MACROD1: variants seen among roughly 807,000 people sequenced by gnomAD.
The protein encoded by MACROD1 is ADP-ribose glycohydrolase MACROD1.
Under a neutral mutation model 41.4 loss-of-function variants are expected in MACROD1, and 31 were observed. That is an observed-to-expected ratio of 0.75 (90% CI 0.56 to 1.01). The LOEUF (loss-of-function observed/expected upper bound fraction) is 1.01, where lower values mean the gene tolerates loss of function less well. MACROD1 is among the 50% of genes least tolerant of loss of function. MACROD1 has a pLI of 0.00. For missense variants in MACROD1, 473 were observed against 460.0 expected, an observed-to-expected ratio of 1.03 and a Z score of -0.26; for synonymous variants, 252 against 203.4, an observed-to-expected ratio of 1.24 and a Z score of -2.03.
intron 3 of MACROD1, among the ~76,000 whole-genome samples, chr11:64,100,543 G>A (rs1944653577): frequency 1.3e-5 from 2 of 152,230 alleles, no homozygotes. Flanking sequence ...AGCCAGAAGG[G>A]TGGCCACTGG....
rs1443590990 is a variant in MACROD1 at position 64,152,379 on chromosome 11, G to A, written c.313C>T (p.Leu105=). Reference sequence around the variant, plus strand: ...TGTTCCTCCCGCTGCTTGTCACTCAGGCCCTTCAGAAAGGCTGCAGAGGCA... The same window carrying A: ...TGTTCCTCCCGCTGCTTGTCACTCAAGCCCTTCAGAAAGGCTGCAGAGGCA... ...WKEAKSFLKG[L]SDKQREEHYF... is the part of the protein sequence containing the mutation. Residue 105 remains leucine (L), a synonymous_variant, in exon 2 of 11, where the codon CTG becomes TTG. Transcript: ENST00000255681. 13 of 1,614,174 alleles carry A rather than the reference G, an allele frequency of 8.1e-6. No homozygotes were observed. The highest frequency in any genetic ancestry group is 1.1e-5 in the Non-Finnish European group (13 of 1,179,996).
intron 3 of MACROD1, among the ~76,000 whole-genome samples, chr11:64,111,477 G>A (rs1445931142): frequency 6.6e-6 from 1 of 152,222 alleles, no homozygotes; most frequent in Non-Finnish European, 1.5e-5. Context: ...AGGACCTCCG[G>A]CTCCATAACC....
chr11:64,018,772 G>GT (rs1478013542), intron 3 of MACROD1, among the ~76,000 whole-genome samples: 3 of 152,238 alleles, frequency 2.0e-5, no homozygotes, highest in Admixed American at 6.5e-5. Flanking sequence ...GGCTCACAGA[G>GT]TACCCGGGGA....
intron 3 of MACROD1, among the ~76,000 whole-genome samples, chr11:64,047,044 C>T (rs559112661): frequency 1.3e-5 from 2 of 152,176 alleles, no homozygotes; most frequent in Non-Finnish European, 2.9e-5. Flanking sequence ...CCCCAGTGCC[C>T]CCCCCGGCTA....
intron 3 of MACROD1, among the ~76,000 whole-genome samples, chr11:64,081,213 G>A (rs1389420605): frequency 1.3e-5 from 2 of 152,138 alleles, no homozygotes; most frequent in African/African-American, 4.8e-5. Context: ...GTAGAGATGG[G>A]GTTTCACCAT....
At chr11:64,164,390 G>C (rs977321274) in intron 1 of MACROD1, among the ~76,000 whole-genome samples, 1 of 152,220 alleles carries the variant, frequency 6.6e-6, no homozygotes, top group Admixed American at 6.5e-5. Context: ...GCAGGTGCCT[G>C]GGCACCTTGT....
At chr11:64,014,944 G>A (rs1026227041) in intron 4 of MACROD1, among the ~76,000 whole-genome samples, 3 of 152,240 alleles carry the variant, frequency 2.0e-5, no homozygotes, top group Non-Finnish European at 2.9e-5. Flanking sequence ...AAGGGACAGA[G>A]CTGCCCAAGG....
intron 3 of MACROD1, among the ~76,000 whole-genome samples, chr11:64,079,143 T>C (rs1944259520): frequency 6.6e-6 from 1 of 151,520 alleles, no homozygotes; most frequent in Non-Finnish European, 1.5e-5. Context: ...AGGGAGGTGG[T>C]TGGATTCATT....
At chr11:64,077,545 G>A (rs979086188) in intron 3 of MACROD1, among the ~76,000 whole-genome samples, 2 of 152,074 alleles carry the variant, frequency 1.3e-5, no homozygotes, top group Non-Finnish European at 2.9e-5. Flanking sequence ...GGTGAGGGGC[G>A]GGGCAGGGGG....
chr11:64,117,307 C>A (rs202104543), intron 3 of MACROD1: 5 of 1,614,112 alleles, frequency 3.1e-6, no homozygotes, highest in East Asian at 4.5e-5. Context: ...AAGGCACGGG[C>A]GGCCGTGGTC....
intron 1 of MACROD1, among the ~76,000 whole-genome samples, chr11:64,163,119 T>TG (rs1945782281): frequency 1.0e-5 from 1 of 99,908 alleles, no homozygotes. Flanking sequence ...AGTCTTCATC[T>TG]AAAAAACAAA....
chr11:64,116,501 T>C (rs775779221), intron 3 of MACROD1: 26 of 1,613,926 alleles, frequency 1.6e-5, no homozygotes, highest in Non-Finnish European at 2.1e-5. Context: ...TCCCCGCAGA[T>C]ATCCCTGATG....
intron 3 of MACROD1, among the ~76,000 whole-genome samples, chr11:64,139,046 C>T (rs1302175075): frequency 2.0e-5 from 3 of 152,172 alleles, no homozygotes; most frequent in Admixed American, 6.5e-5. Context: ...GGATTATAGG[C>T]GTGAGCCACC....
chr11:64,147,901 C>T (rs1945518042), intron 3 of MACROD1, among the ~76,000 whole-genome samples: 2 of 151,926 alleles, frequency 1.3e-5, no homozygotes, highest in Non-Finnish European at 2.9e-5. Context: ...CACCACCATG[C>T]CGTATTATTT....
At chr11:64,076,821 C>G (rs1319379745) in intron 3 of MACROD1, among the ~76,000 whole-genome samples, 2 of 152,210 alleles carry the variant, frequency 1.3e-5, no homozygotes, top group East Asian at 3.8e-4. Context: ...ACTGCGTGAG[C>G]AGCCCCCCGG....
chr11:64,071,874 G>A (rs1448644333), intron 3 of MACROD1, among the ~76,000 whole-genome samples: 4 of 152,166 alleles, frequency 2.6e-5, no homozygotes, highest in Non-Finnish European at 5.9e-5. Context: ...CAGTAGTGGC[G>A]AGAGCCCTGG....
At chr11:64,109,144 A>G (rs1029694269) in intron 3 of MACROD1, among the ~76,000 whole-genome samples, 4 of 152,066 alleles carry the variant, frequency 2.6e-5, no homozygotes, top group Non-Finnish European at 4.4e-5. Context: ...GAGGCCAGAC[A>G]GGGATGGGGG....
chr11:64,036,845 G>A lies in MACROD1; in HGVS notation c.518-21564C>T, dbSNP rs1649046733. Among the ~76,000 whole-genome samples, 1 of 152,144 alleles carries A rather than the reference G, an allele frequency of 6.6e-6. No individual in the cohort carries two copies. The highest frequency in any genetic ancestry group is 2.1e-4 in the South Asian group (1 of 4,828). On this transcript the variant is annotated intron_variant, in intron 3 of 10. Transcript: ENST00000255681. This position sits in a 1 kb window ranked among gnomAD's most constrained non-coding sequence, Gnocchi z 5.6. ...CCCCCAGCTCTCAAGACAAGGAGGC[G>A]GCCCGACCCGGCGGCGCACGCCCCT...
chr11:64,086,215 C>T (rs1278115588), intron 3 of MACROD1, among the ~76,000 whole-genome samples: 1 of 152,166 alleles, frequency 6.6e-6, no homozygotes, highest in Non-Finnish European at 1.5e-5. Context: ...AGGGGCTTAG[C>T]TCAGAGCCCA....
Sources: gnomAD v4.1 joint callset for allele counts (sites outside exome capture counted in the v4.1 genomes callset) on GRCh38, gnomAD v4.1.1 for gene constraint, Gnocchi (gnomAD v3.1) non-coding constraint, MANE v1.5 for transcripts, NCBI Gene and HGNC (gene_info 2026-07-23, HGNC 2026-07-21) for gene names.